CDH4: variants seen among roughly 807,000 people sequenced by gnomAD.
CDH4 encodes cadherin-4.
Under a neutral mutation model 86.0 loss-of-function variants are expected in CDH4, and 33 were observed. That is an observed-to-expected ratio of 0.38 (90% CI 0.29 to 0.51). CDH4 has a LOEUF of 0.51. Ranked by LOEUF, CDH4 falls within the 20% of genes least tolerant of loss-of-function variation. The pLI is 0.86. For synonymous variants in CDH4, 555 were observed against 549.4 expected (o/e 1.01, Z -0.14); for missense variants, 1,114 against 1,307.4 (o/e 0.85, Z 2.28).
chr20:61,441,267 AG>A (rs1013353658), intron 2 of CDH4, among the ~76,000 whole-genome samples: 2 of 152,170 alleles, frequency 1.3e-5, no homozygotes, highest in Admixed American at 1.3e-4. Context: ...TTTCAGAATC[AG>A]GGGTTTCAGA....
chr20:61,619,244 C>A (rs1261216910), intron 2 of CDH4, among the ~76,000 whole-genome samples: 1 of 151,730 alleles, frequency 6.6e-6, no homozygotes, highest in Non-Finnish European at 1.5e-5. Context: ...TGAAACTAGC[C>A]CCAGCCCCAG....
intron 9 of CDH4, among the ~76,000 whole-genome samples, chr20:61,912,220 C>T (rs972129263): frequency 8.5e-5 from 13 of 152,168 alleles, no homozygotes; most frequent in African/African-American, 2.7e-4. Flanking sequence ...AGTTTAGTCA[C>T]ATGGCCATTC....
intron 11 of CDH4, among the ~76,000 whole-genome samples, chr20:61,926,331 G>A (rs1056581654): frequency 3.3e-5 from 5 of 152,232 alleles, no homozygotes; most frequent in African/African-American, 1.2e-4. Flanking sequence ...GGCTGTGCGT[G>A]AAGCCTCATG....
In CDH4 at chr20:61,269,470, G is replaced by A. The variant is rs960372600; in HGVS notation, c.169+14533G>A. ...TGACCTTTCCTACCTCCATAGGAGG[G>A]AGATGCCAGGTCCATCTCATGAGGG... is the stretch of plus-strand genomic sequence containing the variant. On this transcript the variant is annotated intron_variant, in intron 2 of 15. Transcript: ENST00000614565. This position sits in a 1 kb window ranked among gnomAD's most constrained non-coding sequence, Gnocchi z 5.3. 3.9e-5 allele frequency among the ~76,000 whole-genome samples: 6 copies of A among 152,182 alleles called. No homozygotes were observed. Among genetic ancestry groups the A allele is most frequent in the South Asian group, 4.2e-4 (2 of 4,810 alleles).
chr20:61,317,248 A>G (rs1158407352), intron 2 of CDH4, among the ~76,000 whole-genome samples: 1 of 151,982 alleles, frequency 6.6e-6, no homozygotes, highest in African/African-American at 2.4e-5. Context: ...TGTGGTGGCG[A>G]GCGCCCGCAG....
chr20:61,311,025 C>G (rs1037618191), intron 2 of CDH4, among the ~76,000 whole-genome samples: 1 of 152,184 alleles, frequency 6.6e-6, no homozygotes, highest in African/African-American at 2.4e-5. Flanking sequence ...TGTCCCCACC[C>G]CACTCCACTG....
intron 3 of CDH4, among the ~76,000 whole-genome samples, chr20:61,761,197 A>G (rs931440184): frequency 1.3e-5 from 2 of 152,144 alleles, no homozygotes; most frequent in African/African-American, 4.8e-5. Flanking sequence ...CTCAGTAAAT[A>G]TCCGTACTAG....
intron 4 of CDH4, among the ~76,000 whole-genome samples, chr20:61,799,137 C>T (rs1178360234): frequency 6.6e-6 from 1 of 152,036 alleles, no homozygotes; most frequent in Admixed American, 6.5e-5. Flanking sequence ...TGTAATTAGC[C>T]CTTATAAATG....
chr20:61,894,832 ATTTCT>A, intron 7 of CDH4, 73 bp from the exon 8 acceptor site: 1 of 1,482,690 alleles, frequency 6.7e-7, no homozygotes, highest in Non-Finnish European at 9.2e-7. Flanking sequence ...CTGTAAACGG[ATTTCT>A]TTTGATAAGT....
intron 2 of CDH4, among the ~76,000 whole-genome samples, chr20:61,297,184 G>A (rs1304925829): frequency 2.0e-5 from 3 of 152,148 alleles, no homozygotes; most frequent in Non-Finnish European, 4.4e-5. Flanking sequence ...TCAGGAGTTC[G>A]AGACCAGCCT....
chr20:61,844,688 T>C lies in CDH4; in HGVS notation c.597T>C (p.Asn199=), dbSNP rs1982348806. The C allele has an allele frequency of 6.2e-7, 1 of 1,612,554 alleles. No homozygotes were observed. The highest frequency in any genetic ancestry group is 2.2e-5 in the East Asian group (1 of 44,778). Residue 199 remains asparagine (N), a synonymous_variant, in exon 5 of 16, where the codon AAT becomes AAC. Transcript: ENST00000614565. ...QLVRIRSDKD[N]DIPIRYSITG... ...TTCAGATCCGGTCCGACAAAGACAA[T>C]GACATCCCCATCCGGTACAGCATCA...
chr20:61,797,642 C>T (rs1979602096), intron 4 of CDH4, among the ~76,000 whole-genome samples: 1 of 152,006 alleles, frequency 6.6e-6, no homozygotes, highest in South Asian at 2.1e-4. Context: ...AAAAAAATTG[C>T]CAGGCGTGGT....
At chr20:61,845,194 CG>C in intron 5 of CDH4, among the ~76,000 whole-genome samples, 1 of 152,372 alleles carries the variant, frequency 6.6e-6, no homozygotes, top group South Asian at 2.1e-4. Context: ...GATGCTCCCT[CG>C]GGGCCCCTCA....
At chr20:61,354,153 G>A (rs1001307645) in intron 2 of CDH4, among the ~76,000 whole-genome samples, 8 of 151,576 alleles carry the variant, frequency 5.3e-5, no homozygotes, top group Non-Finnish European at 7.4e-5. Flanking sequence ...GCCGCCGACC[G>A]TCCTACAGTG....
At chr20:61,506,659 A>C (rs1199421963) in intron 2 of CDH4, among the ~76,000 whole-genome samples, 1 of 152,168 alleles carries the variant, frequency 6.6e-6, no homozygotes, top group African/African-American at 2.4e-5. Flanking sequence ...TATAGAGATG[A>C]GTCGGCCTGC....
At chr20:61,864,489 C>T (rs1458584548) in intron 6 of CDH4, among the ~76,000 whole-genome samples, 2 of 138,734 alleles carry the variant, frequency 1.4e-5, no homozygotes, top group Non-Finnish European at 1.6e-5. Context: ...CAAGAAAACA[C>T]ATTGCTGGGA....
At chr20:61,874,508 C>T (rs1434337796) in intron 7 of CDH4, among the ~76,000 whole-genome samples, 3 of 152,278 alleles carry the variant, frequency 2.0e-5, no homozygotes, top group East Asian at 1.9e-4. Context: ...CTCAAGTGCC[C>T]GCCCCACTCA....
intron 7 of CDH4, among the ~76,000 whole-genome samples, chr20:61,876,976 T>C (rs955410331): frequency 2.0e-5 from 3 of 152,102 alleles, no homozygotes; most frequent in Non-Finnish European, 2.9e-5. Flanking sequence ...CCCCGGCAGT[T>C]AGTATGGGTG....
chr20:61,591,840 C>T (rs2145732863), intron 2 of CDH4, among the ~76,000 whole-genome samples: 1 of 152,306 alleles, frequency 6.6e-6, no homozygotes, highest in South Asian at 2.1e-4. Flanking sequence ...CGTTTGTTAA[C>T]ATCACCACCA....
Sources: gnomAD v4.1 joint callset for allele counts (sites outside exome capture counted in the v4.1 genomes callset) on GRCh38, gnomAD v4.1.1 for gene constraint, Gnocchi (gnomAD v3.1) non-coding constraint, MANE v1.5 for transcripts, NCBI Gene and HGNC (gene_info 2026-07-23, HGNC 2026-07-21) for gene names.